PDE7A: variants seen among roughly 807,000 people sequenced by gnomAD.
PDE7A encodes the protein high affinity 3',5'-cyclic-AMP phosphodiesterase 7A.
PDE7A carries 39 observed loss-of-function variants against 64.3 expected under a neutral mutation model. The ratio of observed to expected loss-of-function variants is 0.61; its 90% CI spans 0.47 to 0.79. The LOEUF (loss-of-function observed/expected upper bound fraction) is 0.79, where lower values mean the gene tolerates loss of function less well. Ranked by LOEUF, PDE7A falls within the 30% of genes least tolerant of loss-of-function variation. The pLI, the probability that PDE7A is intolerant of heterozygous loss-of-function variation, is 0.00. For synonymous variants in PDE7A, 203 were observed against 206.8 expected, an observed-to-expected ratio of 0.98 and a Z score of 0.16; for missense variants, 470 against 582.8, an observed-to-expected ratio of 0.81 and a Z score of 1.99.
intron 7 of PDE7A, 107 bp from the exon 8 acceptor site, chr8:65,727,408 C>T: frequency 6.7e-7 from 1 of 1,487,314 alleles, no homozygotes; most frequent in Non-Finnish European, 9.0e-7. Context: ...GTAATCTCCT[C>T]CCCCTTCACG....
At chr8:65,762,112 T>A (rs950382234) in intron 3 of PDE7A, among the ~76,000 whole-genome samples, 4 of 152,164 alleles carry the variant, frequency 2.6e-5, no homozygotes, top group African/African-American at 9.7e-5. Context: ...TTGTTTAAAA[T>A]TTTTTTAATT....
Position 65,714,462 on chromosome 8 carries a change from C to G in PDE7A, c.*4828G>C, listed in dbSNP as rs1806053688. On this transcript the variant is annotated 3_prime_UTR_variant, in exon 13 of 13. Transcript: ENST00000401827. ...AGCTCACTCCCAAGTGGTGGTCATT[C>G]CACCTGTAGACCATGGGCTCTTGGG... The G allele has an allele frequency of 6.6e-6, 1 of 152,098 alleles. No homozygotes were observed. Among genetic ancestry groups the G allele is most frequent in the Non-Finnish European group, 1.5e-5 (1 of 68,036 alleles). 9.4% of individuals were successfully genotyped at this position (152,098 alleles called of 1,614,324 possible).
At chr8:65,778,847 A>G (rs147202362) in intron 3 of PDE7A, among the ~76,000 whole-genome samples, 183 of 152,290 alleles carry the variant, frequency 1.2e-3, no homozygotes, top group African/African-American at 4.3e-3. Flanking sequence ...CAAAGTTGGG[A>G]TTTATTTCTA....
intron 1 of PDE7A, among the ~76,000 whole-genome samples, chr8:65,836,538 T>A (rs1475568252): frequency 1.3e-5 from 2 of 152,232 alleles, no homozygotes; most frequent in Non-Finnish European, 2.9e-5. Context: ...TGACCCAACC[T>A]AGTGATTTTA....
Position 65,830,184 on chromosome 8 carries a change from A to C in PDE7A, c.138+11187T>G, listed in dbSNP as rs572614183. ...TCCAGGTGGACAAAAGGACACTTCA[A>C]TATATTCATGTTGAGAAAGTTAATT... On this transcript the variant is annotated intron_variant, in intron 1 of 12. Coordinates refer to ENST00000401827, the MANE Select transcript of PDE7A (RefSeq NM_001242318.3). Among the ~76,000 whole-genome samples the C allele has an allele frequency of 1.9e-3, 292 of 152,208 alleles. 2 individuals carry two copies. The highest frequency in any genetic ancestry group is 6.5e-3 in the African/African-American group (271 of 41,554).
chr8:65,791,817 C>T (rs142817322), intron 1 of PDE7A, among the ~76,000 whole-genome samples: 326 of 152,322 alleles, frequency 2.1e-3, no homozygotes, highest in Middle Eastern at 0.01. Context: ...AAATCTCAGG[C>T]AACACAGTTT....
chr8:65,825,895 A>G (rs1810661393), intron 1 of PDE7A, among the ~76,000 whole-genome samples: 1 of 152,194 alleles, frequency 6.6e-6, no homozygotes. Flanking sequence ...AGAGACATAC[A>G]AATCAAATTA....
At chr8:65,799,495 C>A (rs1039593362) in intron 1 of PDE7A, among the ~76,000 whole-genome samples, 1 of 152,050 alleles carries the variant, frequency 6.6e-6, no homozygotes, top group African/African-American at 2.4e-5. Flanking sequence ...ATTAACACAG[C>A]GGAAGACTTC....
At chr8:65,800,278 C>T (rs550307757) in intron 1 of PDE7A, among the ~76,000 whole-genome samples, 193 of 152,232 alleles carry the variant, frequency 1.3e-3, no homozygotes, top group Admixed American at 2.4e-3. Context: ...AAAGTCACAC[C>T]CCCTAGCCAG....
At chr8:65,815,490 C>T (rs1810377555) in intron 1 of PDE7A, among the ~76,000 whole-genome samples, 1 of 152,052 alleles carries the variant, frequency 6.6e-6, no homozygotes, top group Non-Finnish European at 1.5e-5. Context: ...AAACTAACTC[C>T]CAGTCATGAC....
chr8:65,735,540 G>T (rs996151156), intron 6 of PDE7A, among the ~76,000 whole-genome samples: 1 of 151,996 alleles, frequency 6.6e-6, no homozygotes, highest in African/African-American at 2.4e-5. Flanking sequence ...CAAACCCCTG[G>T]GCTCAAGGAG....
At chr8:65,731,454 A>G (rs1346868044) in intron 7 of PDE7A, 3 of 152,216 alleles carry the variant, frequency 2.0e-5, no homozygotes, top group Non-Finnish European at 4.4e-5. Context: ...TATAGTTATT[A>G]AGTAAAATAG....
intron 1 of PDE7A, among the ~76,000 whole-genome samples, chr8:65,833,403 C>T (rs1810878253): frequency 1.3e-5 from 2 of 152,192 alleles, no homozygotes; most frequent in Non-Finnish European, 2.9e-5. Context: ...CAAATAACTA[C>T]ATCAAATAAT....
Position 65,719,795 on chromosome 8 carries a change from C to T in PDE7A, c.1244-300G>A, listed in dbSNP as rs540561360. 1.3e-4 allele frequency: 48 copies of T among 362,282 alleles called. No homozygotes were observed. The South Asian group carries it at 1.4e-3, about 11-fold the overall frequency. The allele number at this position is 362,282 out of a possible 1,614,324, so 22.4% of individuals were successfully genotyped here. On this transcript the variant is annotated intron_variant, in intron 12 of 12. Coordinates refer to ENST00000401827, the MANE Select transcript of PDE7A (RefSeq NM_001242318.3). ...ACATTCTTCTACTTAAGCAAAAATA[C>T]ACTGCCCATCTAAACTCTGAGGATA...
At chr8:65,732,481 CAAAGGCTCAGGAGTA>C (rs1187795456) in intron 7 of PDE7A, among the ~76,000 whole-genome samples, 1 of 152,152 alleles carries the variant, frequency 6.6e-6, no homozygotes, top group Non-Finnish European at 1.5e-5. Flanking sequence ...TGATGCTGTG[CAAAGGCTCAGGAGTA>C]AAAGAGATAC....
intron 1 of PDE7A, among the ~76,000 whole-genome samples, chr8:65,811,453 C>T (rs1351234494): frequency 6.6e-6 from 1 of 152,208 alleles, no homozygotes; most frequent in Non-Finnish European, 1.5e-5. Context: ...GCTAGGCCTC[C>T]CATTGGCCAA....
At chr8:65,836,589 A>G (rs1810957626) in intron 1 of PDE7A, among the ~76,000 whole-genome samples, 1 of 152,216 alleles carries the variant, frequency 6.6e-6, no homozygotes, top group Non-Finnish European at 1.5e-5. Context: ...TATTAAATGA[A>G]GTTTTGCATA....
In PDE7A at chr8:65,787,792, A is replaced by G. The variant is rs1809601852; in HGVS notation, c.139-4949T>C. On this transcript the variant is annotated intron_variant, in intron 1 of 12. Coordinates refer to ENST00000401827, the MANE Select transcript of PDE7A (RefSeq NM_001242318.3). ...ACCTCATCTCTACAGGGGGGGGAAA[A>G]AAAAAAAGTAAAGTCTCTGAAAACA... Among the ~76,000 whole-genome samples, 3 of 151,950 alleles carry G rather than the reference A, an allele frequency of 2.0e-5. No homozygotes were observed. In the South Asian group the frequency reaches 6.2e-4, roughly 32 times the overall value.
chr8:65,726,433 T>G (rs1181552408), intron 9 of PDE7A, among the ~76,000 whole-genome samples: 1 of 152,206 alleles, frequency 6.6e-6, no homozygotes, highest in Non-Finnish European at 1.5e-5. Context: ...TAAGGCACTC[T>G]CTTTACTTTC....
Sources: allele counts gnomAD v4.1 joint callset (sites outside exome capture counted in the v4.1 genomes callset), GRCh38; gene constraint gnomAD v4.1.1; transcripts MANE v1.5; gene names NCBI Gene and HGNC (gene_info 2026-07-23, HGNC 2026-07-21).